The following BRAF variants were observed in gnomAD, a reference collection of about 807,000 sequenced individuals.
BRAF encodes the protein B-Raf proto-oncogene, serine/threonine kinase.
A neutral mutation model predicts 104.6 loss-of-function variants in BRAF; 16 were observed. The observed-to-expected ratio is 0.15, with a 90% CI of 0.10 to 0.23. The LOEUF is 0.23. Among genes scored for constraint, BRAF ranks in the 10% least tolerant of loss-of-function variants. BRAF has a pLI of 1.00. For synonymous variants in BRAF, 310 were observed against 341.6 expected (o/e 0.91, Z 1.02); for missense variants, 541 against 937.3 (o/e 0.58, Z 5.52).
chr7:140,768,408 T>A (rs1799532970), intron 14 of BRAF, among the ~76,000 whole-genome samples: 1 of 152,134 alleles, frequency 6.6e-6, no homozygotes, highest in Admixed American at 6.6e-5. Flanking sequence ...TTGGCCCCAG[T>A]GTAATGGTGT....
chr7:140,843,964 G>A (rs373548892), intron 2 of BRAF, among the ~76,000 whole-genome samples: 3 of 151,978 alleles, frequency 2.0e-5, no homozygotes, highest in East Asian at 3.9e-4. Context: ...AGCCGAGATC[G>A]CACCACTGCA....
intron 1 of BRAF, among the ~76,000 whole-genome samples, chr7:140,902,183 G>A (rs1815724074): frequency 6.6e-6 from 1 of 152,158 alleles, no homozygotes; most frequent in Non-Finnish European, 1.5e-5. Context: ...TCATGTCTCT[G>A]TCACATTTCA....
At chr7:140,862,088 A>G (rs1427413007) in intron 1 of BRAF, among the ~76,000 whole-genome samples, 1 of 152,232 alleles carries the variant, frequency 6.6e-6, no homozygotes, top group African/African-American at 2.4e-5. Context: ...ATGTAACTGC[A>G]AAGTTTTTGT....
chr7:140,875,740 T>C (rs1163378941), intron 1 of BRAF, among the ~76,000 whole-genome samples: 1 of 152,096 alleles, frequency 6.6e-6, no homozygotes, highest in Non-Finnish European at 1.5e-5. Context: ...CCACTTCAAA[T>C]GACAACAGGT....
rs553565815 is a variant in BRAF, at chr7:140,742,889, A to C, written c.2113-2943T>G. On this transcript the variant is annotated intron_variant, in intron 17 of 19. Transcript: ENST00000644969. ...ACAAATTTACAAGAAAAAAACAAAC[A>C]ACCCCATCAAAAAGTGGGCAAAGGA... is the stretch of plus-strand genomic sequence containing the variant. Among the ~76,000 whole-genome samples, 553 of 151,806 alleles carry C rather than the reference A, an allele frequency of 3.6e-3. 3 individuals are homozygous for C. Among genetic ancestry groups the C allele is most frequent in the African/African-American group, 0.013 (525 of 41,364 alleles).
intron 12 of BRAF, 56 bp downstream of exon 11, chr7:140,781,520 G>C: frequency 6.9e-7 from 1 of 1,441,072 alleles, no homozygotes; most frequent in East Asian, 2.3e-5. Flanking sequence ...CAAAATAAAA[G>C]TTGTTAAACA....
intron 1 of BRAF, among the ~76,000 whole-genome samples, chr7:140,891,164 G>A (rs1814176655): frequency 6.6e-6 from 1 of 152,130 alleles, no homozygotes; most frequent in African/African-American, 2.4e-5. Context: ...GAAAATGAGA[G>A]GGTGTGGGGT....
At position 140,732,077 on chromosome 7, in the gene BRAF, A is replaced by AGCTACTTG. The variant is rs1228432743; in HGVS notation, c.2401+2539_2401+2540insCAAGTAGC. On this transcript the variant is annotated intron_variant, in intron 19 of 19. Transcript: ENST00000644969. ...TCCCAGCTACTTGGGAGGCTGAGGC[A>AGCTACTTG]GGAGAATGGCGTGAACCCGGGAGGC... 8 of 142,750 alleles carry AGCTACTTG rather than the reference A, an allele frequency of 5.6e-5. No homozygotes were observed. In the East Asian group the frequency reaches 1.7e-3, roughly 31 times the overall value. 8.8% of individuals were successfully genotyped at this position (142,750 alleles called of 1,614,324 possible). A position where few individuals can be genotyped will look rare whatever the true frequency, so the allele number is the denominator to read the frequency against.
chr7:140,797,889 A>C (rs533974413), intron 7 of BRAF, among the ~76,000 whole-genome samples: 1 of 152,358 alleles, frequency 6.6e-6, no homozygotes, highest in Admixed American at 6.5e-5. Context: ...AAAAAAACAC[A>C]GCTGCACACA....
intron 1 of BRAF, among the ~76,000 whole-genome samples, chr7:140,917,369 A>G (rs1196395352): frequency 6.6e-6 from 1 of 152,180 alleles, no homozygotes; most frequent in Non-Finnish European, 1.5e-5. Context: ...CCCCACTGAT[A>G]TGACTTTTAT....
In BRAF at chr7:140,816,839, C is replaced by A. The variant is rs535316430; in HGVS notation, c.505-7844G>T. 1.5e-4 allele frequency among the ~76,000 whole-genome samples: 23 copies of A among 152,094 alleles called. No homozygotes were observed. The South Asian group carries it at 4.4e-3, about 29-fold the overall frequency. ...TTCAGACTTTTCATCAGACAACAGA[C>A]CCACAGCTAGAATCATAATTAATGA... On this transcript the variant is annotated intron_variant, in intron 3 of 19. Transcript: ENST00000644969.
rs879725702 is a variant in BRAF, at chr7:140,725,797, C to T, written c.*697G>A. 1.3e-4 allele frequency: 134 copies of T among 1,063,132 alleles called. 1 individual carries two copies. The Admixed American group carries it at 3.0e-3, about 24-fold the overall frequency. The allele number at this position is 1,063,132 out of a possible 1,614,324, so 65.9% of individuals were successfully genotyped here. A position where few individuals can be genotyped will look rare whatever the true frequency, so the allele number is the denominator to read the frequency against. On this transcript the variant is annotated 3_prime_UTR_variant, in exon 20 of 20. Transcript: ENST00000644969. ...ATCTAGCCTGCTTGGTTAGACAGAC[C>T]CCTCAGTGAGCAAGGAAACAAAAGG...
At position 140,722,107 on chromosome 7, in the gene BRAF, G is replaced by C; in HGVS notation, c.*4387C>G. On this transcript the variant is annotated 3_prime_UTR_variant, in exon 20 of 20. Coordinates refer to ENST00000644969, the MANE Select transcript of BRAF (RefSeq NM_001374258.1). Reference sequence around the variant, plus strand: ...CTGTTGTATAAAAGTTCCATGCTTTGAAGAGCCTATGGGAGTAGAAAAAGT... The same window carrying C: ...CTGTTGTATAAAAGTTCCATGCTTTCAAGAGCCTATGGGAGTAGAAAAAGT... The C allele has an allele frequency of 9.3e-7, 1 of 1,076,646 alleles. No homozygotes were observed. Among genetic ancestry groups the C allele is most frequent in the Non-Finnish European group, 1.1e-6 (1 of 887,454 alleles). 66.7% of individuals were successfully genotyped at this position (1,076,646 alleles called of 1,614,324 possible).
At chr7:140,890,095 A>AG (rs1264187788) in intron 1 of BRAF, among the ~76,000 whole-genome samples, 1 of 152,208 alleles carries the variant, frequency 6.6e-6, no homozygotes. Flanking sequence ...ACCTTAGGCA[A>AG]ATTACTTAAC....
chr7:140,713,904 C>T, the BRAF span, among the ~76,000 whole-genome samples: 1,576 of 152,244 alleles, frequency 0.01, 34 homozygotes, highest in African/African-American at 0.036. Context: ...GTATCAGCAG[C>T]GGTGGCTGCA....
intron 1 of BRAF, among the ~76,000 whole-genome samples, chr7:140,908,758 A>G (rs933213320): frequency 5.9e-5 from 9 of 152,132 alleles, no homozygotes; most frequent in African/African-American, 2.2e-4. Flanking sequence ...GTCCCATCTA[A>G]AACTGAGGTT....
chr7:140,922,006 C>A (rs921386067), intron 1 of BRAF, among the ~76,000 whole-genome samples: 13 of 152,074 alleles, frequency 8.5e-5, no homozygotes, highest in African/African-American at 3.1e-4. Flanking sequence ...AAAATTATTT[C>A]TTGGAGGAAT....
chr7:140,779,854 T>C (rs1800690794), intron 12 of BRAF: 1 of 152,158 alleles, frequency 6.6e-6, no homozygotes, highest in Non-Finnish European at 1.5e-5. Flanking sequence ...ACTGCTTGAA[T>C]CTGGGAGGCA....
chr7:140,785,824 G>A lies in BRAF; in HGVS notation c.1178-16C>T. On this transcript the variant is annotated splice_polypyrimidine_tract_variant and intron_variant, in intron 9 of 19. Coordinates refer to ENST00000644969, the MANE Select transcript of BRAF (RefSeq NM_001374258.1). Reference sequence around the variant, plus strand: ...TTCAAAGGGGCTGTTAGAAGAGAAAGAGAGGGGCAGGCAAACACAGGAAGA... The same window carrying A: ...TTCAAAGGGGCTGTTAGAAGAGAAAAAGAGGGGCAGGCAAACACAGGAAGA... The A allele has an allele frequency of 2.5e-6, 1 of 399,002 alleles. No individual in the cohort carries two copies. The highest frequency in any genetic ancestry group is 3.6e-5 in the East Asian group (1 of 28,072). The allele number at this position is 399,002 out of a possible 1,614,324, so 24.7% of individuals were successfully genotyped here.
Sources: allele counts gnomAD v4.1 joint callset (sites outside exome capture counted in the v4.1 genomes callset), GRCh38; gene constraint gnomAD v4.1.1; transcripts MANE v1.5; gene names NCBI Gene and HGNC (gene_info 2026-07-23, HGNC 2026-07-21).